Variants in NAP1L4 observed in about 807,000 individuals in gnomAD.
The protein encoded by NAP1L4 is nucleosome assembly protein 1-like 4.
NAP1L4 carries 15 observed loss-of-function variants against 58.2 expected under a neutral mutation model. The observed-to-expected ratio is 0.26, with a 90% confidence interval of 0.17 to 0.40. The LOEUF is 0.40. NAP1L4 is among the 10% of genes least tolerant of loss of function. The probability of loss-of-function intolerance (pLI) is 1.00; values close to 1 mark genes in which losing one functional copy is unlikely to be tolerated. For missense variants in NAP1L4, 384 were observed against 451.1 expected, an observed-to-expected ratio of 0.85 and a Z score of 1.35; for synonymous variants, 171 against 155.6, an observed-to-expected ratio of 1.10 and a Z score of -0.74.
chr11:2,956,055 AT>A (rs1846521955), intron 10 of NAP1L4, among the ~76,000 whole-genome samples: 1 of 152,148 alleles, frequency 6.6e-6, no homozygotes, highest in South Asian at 2.1e-4. Context: ...GAGTTAATAT[AT>A]TAACAGGAGG....
chr11:2,986,239 T>C (rs1848608122), intron 1 of NAP1L4, among the ~76,000 whole-genome samples: 1 of 151,982 alleles, frequency 6.6e-6, no homozygotes, highest in African/African-American at 2.4e-5. Flanking sequence ...CTGGGCATGG[T>C]GGCACACGCC....
chr11:2,956,655 G>A (rs1172169905), intron 10 of NAP1L4, among the ~76,000 whole-genome samples: 2 of 152,192 alleles, frequency 1.3e-5, no homozygotes, highest in South Asian at 2.1e-4. Flanking sequence ...ATCACCCAGG[G>A]GTTTTAGACA....
At position 2,945,451 on chromosome 11, in the gene NAP1L4, TAAGGAAA is replaced by T; in HGVS notation, c.*221_*227del. 4 of 682,750 alleles carry T rather than the reference TAAGGAAA, an allele frequency of 5.9e-6. No individual in the cohort carries two copies. Among genetic ancestry groups the T allele is most frequent in the Non-Finnish European group, 9.6e-6 (4 of 414,730 alleles). The allele number at this position is 682,750 out of a possible 1,614,324, so 42.3% of individuals were successfully genotyped here. On this transcript the variant is annotated 3_prime_UTR_variant, in exon 16 of 16. Transcript: ENST00000380542. ...CCACTGTACAAGTTAAGCAAAATAA[TAAGGAAA>T]AAGGAAAAGTGAAAGTGAAAATCAT... is the stretch of plus-strand genomic sequence containing the variant.
chr11:2,980,988 G>A (rs1848266971), intron 1 of NAP1L4, among the ~76,000 whole-genome samples: 1 of 151,960 alleles, frequency 6.6e-6, no homozygotes. Context: ...CAGCACTTTG[G>A]GAGGCCAAAG....
At chr11:2,967,405 G>A (rs1194821402) in intron 7 of NAP1L4, among the ~76,000 whole-genome samples, 2 of 152,288 alleles carry the variant, frequency 1.3e-5, no homozygotes, top group Admixed American at 1.3e-4. Flanking sequence ...GAGGTCAGCA[G>A]ATCGAGACCA....
At chr11:2,981,418 C>CAAAAAAAAAAAAAAAAA (rs35499396) in intron 1 of NAP1L4, among the ~76,000 whole-genome samples, 1 of 41,280 alleles carries the variant, frequency 2.4e-5, no homozygotes, top group Non-Finnish European at 5.2e-5. Context: ...TACCCTGTCT[C>CAAAAAAAAAAAAAAAAA]AAAAAAAAAA....
At chr11:2,960,062 T>C (rs1192494095) in intron 8 of NAP1L4, 153 bp from the exon 9 acceptor site, 1 of 739,170 alleles carries the variant, frequency 1.4e-6, no homozygotes, top group Non-Finnish European at 2.2e-6. Flanking sequence ...CAAAAAAGAC[T>C]AGCGTGAGGT....
intron 7 of NAP1L4, among the ~76,000 whole-genome samples, chr11:2,965,680 C>G (rs988963033): frequency 2.0e-5 from 3 of 152,154 alleles, no homozygotes; most frequent in Non-Finnish European, 2.9e-5. Flanking sequence ...CAGGCACCCG[C>G]CAACCATGCC....
In NAP1L4 at chr11:2,948,336, TTC is replaced by T. The variant is rs1037023759; in HGVS notation, c.*32+889_*32+890del. On this transcript the variant is annotated intron_variant, in intron 15 of 15. Transcript: ENST00000380542. This position sits in a 1 kb window ranked among gnomAD's most constrained non-coding sequence, Gnocchi z 5.1. ...ATGGGCTGCCAGGATCATGCTGATG[TTC>T]TGTGACGAGACCCTTAAAAACGGAG... Among the ~76,000 whole-genome samples the T allele has an allele frequency of 3.3e-5, 5 of 152,138 alleles. No homozygotes were observed. Among genetic ancestry groups the T allele is most frequent in the African/African-American group, 1.2e-4 (5 of 41,408 alleles).
intron 1 of NAP1L4, among the ~76,000 whole-genome samples, chr11:2,988,824 A>T (rs60572690): frequency 0.29 from 43,587 of 151,994 alleles, 7,075 homozygotes; most frequent in African/African-American, 0.44. Flanking sequence ...AAAAGTAAAG[A>T]TCACAAAGTG....
chr11:2,988,466 A>G (rs770923544), intron 1 of NAP1L4, among the ~76,000 whole-genome samples: 1 of 152,232 alleles, frequency 6.6e-6, no homozygotes, highest in Non-Finnish European at 1.5e-5. Context: ...CTTCTGTTTT[A>G]TTCTGCGGGA....
chr11:2,947,851 C>T (rs1008783918), intron 15 of NAP1L4, among the ~76,000 whole-genome samples: 5 of 152,246 alleles, frequency 3.3e-5, no homozygotes, highest in Non-Finnish European at 5.9e-5. Flanking sequence ...AGACATGCCG[C>T]TGAAACACAC....
rs1030199794 is a variant in NAP1L4, at chr11:2,972,928, G to C, written c.174-685C>G. Among the ~76,000 whole-genome samples the C allele has an allele frequency of 2.0e-5, 3 of 152,202 alleles. No homozygotes were observed. In the East Asian group the frequency reaches 5.8e-4, roughly 29 times the overall value. On this transcript the variant is annotated intron_variant, in intron 4 of 15. Coordinates refer to ENST00000380542, the MANE Select transcript of NAP1L4 (RefSeq NM_005969.4). ...CAAGGCAGCAGGGAGCTATGATTGC[G>C]CTACTGCACTCCAGCCTGGGAAACA...
chr11:2,950,803 A>ACAT (rs1420410362), intron 14 of NAP1L4, among the ~76,000 whole-genome samples: 2 of 152,200 alleles, frequency 1.3e-5, no homozygotes, highest in Non-Finnish European at 2.9e-5. Flanking sequence ...ATATCTAGAC[A>ACAT]CATCATCTGG....
rs1846050430 is a variant in NAP1L4, at chr11:2,948,392, C to CTGCTATGGT, written c.*32+826_*32+834dup. 6.6e-6 allele frequency among the ~76,000 whole-genome samples: 1 copy of CTGCTATGGT among 152,182 alleles called. No individual in the cohort carries two copies. Among genetic ancestry groups the CTGCTATGGT allele is most frequent in the African/African-American group, 2.4e-5 (1 of 41,436 alleles). ...CTACTTATCCTGGCATGCAGAGGCC[C>CTGCTATGGT]TGCTATGGTTGTGGGGTTCCTCATG... On this transcript the variant is annotated intron_variant, in intron 15 of 15. Transcript: ENST00000380542. The surrounding 1 kb of genome is among the most constrained non-coding windows in gnomAD (Gnocchi z 5.1).
At position 2,948,932 on chromosome 11, in the gene NAP1L4, G is replaced by GC. The variant is rs1168759145; in HGVS notation, c.*32+294dup. Among the ~76,000 whole-genome samples, 3 of 152,216 alleles carry GC rather than the reference G, an allele frequency of 2.0e-5. No homozygotes were observed. Among genetic ancestry groups the GC allele is most frequent in the Non-Finnish European group, 4.4e-5 (3 of 68,038 alleles). On this transcript the variant is annotated intron_variant, in intron 15 of 15. Coordinates refer to ENST00000380542, the MANE Select transcript of NAP1L4 (RefSeq NM_005969.4). The surrounding 1 kb of genome is among the most constrained non-coding windows in gnomAD (Gnocchi z 5.1). ...GCCCGTGTGTGCCACCGTGCAGACT[G>GC]CTGACCATCCAGGGCCCTCTTACTG...
At chr11:2,970,071 A>G in intron 6 of NAP1L4, 137 bp from the exon 7 acceptor site, 1 of 794,700 alleles carries the variant, frequency 1.3e-6, no homozygotes. Flanking sequence ...CCTCCAAACC[A>G]CTCACTGGGC....
intron 1 of NAP1L4, among the ~76,000 whole-genome samples, chr11:2,984,378 G>A (rs1356603359): frequency 2.6e-5 from 4 of 152,054 alleles, no homozygotes; most frequent in Admixed American, 2.6e-4. Flanking sequence ...TTCGAGACCA[G>A]CCTGACCAAC....
intron 15 of NAP1L4, among the ~76,000 whole-genome samples, chr11:2,947,632 T>C (rs987059875): frequency 1.3e-5 from 2 of 151,832 alleles, no homozygotes; most frequent in Non-Finnish European, 2.9e-5. Flanking sequence ...AAAAAAAAAC[T>C]ACACCTAAAC....
Sources: gnomAD v4.1 joint callset for allele counts (sites outside exome capture counted in the v4.1 genomes callset) on GRCh38, gnomAD v4.1.1 for gene constraint, Gnocchi (gnomAD v3.1) non-coding constraint, MANE v1.5 for transcripts, NCBI Gene and HGNC (gene_info 2026-07-23, HGNC 2026-07-21) for gene names.